The following QRICH2 variants were observed in gnomAD, a reference collection of about 807,000 sequenced individuals.
The protein encoded by QRICH2 is glutamine rich 2.
In QRICH2, 119 loss-of-function variants were observed where a neutral mutation model predicts 168.3. The observed-to-expected ratio is 0.71, with a 90% confidence interval of 0.61 to 0.82. QRICH2 has a LOEUF of 0.82. Ranked by LOEUF, QRICH2 falls within the 40% of genes least tolerant of loss-of-function variation. The pLI is 0.00. For missense variants in QRICH2, 2,241 were observed against 2,491.6 expected (o/e 0.90, Z 2.14); for synonymous variants, 894 against 951.2 (o/e 0.94, Z 1.11).
At position 76,274,145 on chromosome 17, in the gene QRICH2, C is replaced by T. The variant is rs770509797; in HGVS notation, c.5598G>A (p.Val1866=). The change falls in exon 19 of 19, where the codon GTG becomes GTA. Residue 1866 remains valine (V), a synonymous_variant. Coordinates refer to ENST00000680821, the MANE Select transcript of QRICH2 (RefSeq NM_001388453.1). Reference sequence around the variant, plus strand: ...CGAGCCCCTCCCCAGGAGGCATGTCCACGTGCCTCTCCAGCCCCCTGTTTG... The same window carrying T: ...CGAGCCCCTCCCCAGGAGGCATGTCTACGTGCCTCTCCAGCCCCCTGTTTG... ...AVANRGLERH[V]DMPPGEGLEE... 4 of 1,589,352 alleles carry T rather than the reference C, an allele frequency of 2.5e-6. No individual in the cohort carries two copies. Among genetic ancestry groups the T allele is most frequent in the South Asian group, 2.3e-5 (2 of 87,986 alleles).
At chr17:76,286,032 G>T (rs764831118) in intron 7 of QRICH2, among the ~76,000 whole-genome samples, 1 of 151,994 alleles carries the variant, frequency 6.6e-6, no homozygotes, top group Non-Finnish European at 1.5e-5. Flanking sequence ...AAAATTAGCC[G>T]GGCGTGGTGG....
At position 76,280,478 on chromosome 17, in the gene QRICH2, G is replaced by T; in HGVS notation, c.4462-27C>A. The T allele has an allele frequency of 6.2e-7, 1 of 1,609,868 alleles. No homozygotes were observed. The highest frequency in any genetic ancestry group is 8.5e-7 in the Non-Finnish European group (1 of 1,177,822). ...TGCCCAGAGACAGACAGAGGTCCCC[G>T]CATCTGGGAGATGGCCATGGAGGGG... is the stretch of plus-strand genomic sequence containing the variant. On this transcript the variant is annotated intron_variant, in intron 10 of 18. Transcript: ENST00000680821. The surrounding 1 kb of genome is among the most constrained non-coding windows in gnomAD (Gnocchi z 7.4).
chr17:76,296,457 T>G (rs2070794059), intron 3 of QRICH2, among the ~76,000 whole-genome samples: 1 of 151,650 alleles, frequency 6.6e-6, no homozygotes, highest in Non-Finnish European at 1.5e-5. Flanking sequence ...TTCAGGGAGA[T>G]TCAGGCAACT....
intron 5 of QRICH2, among the ~76,000 whole-genome samples, chr17:76,289,093 G>T (rs1488100053): frequency 7.0e-6 from 1 of 143,156 alleles, no homozygotes; most frequent in Non-Finnish European, 1.5e-5. Flanking sequence ...GACAGAGTGA[G>T]ACTGTGTCTC....
intron 17 of QRICH2, 39 bp from the exon 18 acceptor site, chr17:76,275,986 G>T: frequency 6.3e-7 from 1 of 1,595,052 alleles, no homozygotes; most frequent in Non-Finnish European, 8.5e-7. Flanking sequence ...TGCTGAGGCA[G>T]CGGTGAGAGC....
rs141192538 is a variant in QRICH2 at position 76,305,183 on chromosome 17, A to G, written c.535-242T>C. Among the ~76,000 whole-genome samples the G allele has an allele frequency of 2.7e-5, 3 of 110,832 alleles. No individual in the cohort carries two copies. The Admixed American group carries it at 2.9e-4, about 11-fold the overall frequency. 72.7% of individuals were successfully genotyped at this position (110,832 alleles called of 152,430 possible). A position where few individuals can be genotyped will look rare whatever the true frequency, so the allele number is the denominator to read the frequency against. ...TGGTTTCCTTTTTTTTTTTTTTTTG[A>G]GACAGGGTCTTGCTCTGTCACCCAA... On this transcript the variant is annotated intron_variant, in intron 1 of 18. Transcript: ENST00000680821.
chr17:76,277,562 AC>A (rs1052173367), intron 15 of QRICH2, among the ~76,000 whole-genome samples: 1 of 151,952 alleles, frequency 6.6e-6, no homozygotes, highest in African/African-American at 2.4e-5. Flanking sequence ...ACTCATACAC[AC>A]AGTCACACAC....
In QRICH2 at chr17:76,287,316, A is replaced by C. The variant is rs777977391; in HGVS notation, c.3897-10T>G. ...GTCAGCCACGGTGACTCTGTGGTGC[A>C]CGATGAGAGACTGCCAGACTCCACA... On this transcript the variant is annotated splice_polypyrimidine_tract_variant and intron_variant, in intron 6 of 18. Transcript: ENST00000680821. 1.3e-6 allele frequency: 2 copies of C among 1,591,886 alleles called. No homozygotes were observed. Among genetic ancestry groups the C allele is most frequent in the Admixed American group, 3.3e-5 (2 of 59,852 alleles).
intron 2 of QRICH2, 85 bp downstream of exon 2, chr17:76,304,797 G>A: frequency 9.9e-7 from 1 of 1,011,864 alleles, no homozygotes; most frequent in Non-Finnish European, 1.6e-6. Flanking sequence ...GCCTGCCCTG[G>A]ATGGACAAGC....
At position 76,282,402 on chromosome 17, in the gene QRICH2, C is replaced by T. The variant is rs374412462; in HGVS notation, c.4012-287G>A. ...GCCCACCAGCTCAGCATGAGAACAT[C>T]TCTTCTTTAGCTAAATCGTAAAGTG... is the stretch of plus-strand genomic sequence containing the variant. On this transcript the variant is annotated intron_variant, in intron 7 of 18. Coordinates refer to ENST00000680821, the MANE Select transcript of QRICH2 (RefSeq NM_001388453.1). 1.1e-3 allele frequency among the ~76,000 whole-genome samples: 172 copies of T among 152,334 alleles called. 1 individual carries two copies. Among genetic ancestry groups the T allele is most frequent in the African/African-American group, 3.8e-3 (157 of 41,576 alleles).
chr17:76,277,917 G>A, intron 15 of QRICH2, 72 bp downstream of exon 15: 1 of 1,522,958 alleles, frequency 6.6e-7, no homozygotes, highest in African/African-American at 1.4e-5. Flanking sequence ...CATTTGCACA[G>A]CCGTGCACGA....
intron 4 of QRICH2, 151 bp downstream of exon 4, chr17:76,290,864 G>T: frequency 7.9e-7 from 1 of 1,272,786 alleles, no homozygotes; most frequent in Non-Finnish European, 1.1e-6. Flanking sequence ...TTTGGACTCT[G>T]AAGGCTGTGG....
chr17:76,290,070 C>T lies in QRICH2; in HGVS notation c.3720G>A (p.Arg1240=). 3.7e-6 allele frequency: 6 copies of T among 1,611,334 alleles called. No individual in the cohort carries two copies. Among genetic ancestry groups the T allele is most frequent in the South Asian group, 1.1e-5 (1 of 90,930 alleles). ...GCTCCTGCAGTTCAGGAGGTATGGT[C>T]CTTTTGACTATGGAAAGCAGAAGCC... ...IQFLLAQMVK[R]TIPPELQEQL... is the part of the protein sequence containing the mutation. Residue 1240 remains arginine, a synonymous_variant, in exon 5 of 19, where the codon AGG becomes AGA. Coordinates refer to ENST00000680821, the MANE Select transcript of QRICH2 (RefSeq NM_001388453.1).
Position 76,291,952 on chromosome 17 carries a change from C to G in QRICH2, c.2775G>C (p.Gln925His), listed in dbSNP as rs113786994. ...GIGQQGMVQP[Q>H]ADPHGLVQPG... ...GTTGTACCAGGCCATGTGGATCTGCCTGAGGTTGCACCATACCTTGCTGAC... is the reference window on the plus strand; with the variant it reads ...GTTGTACCAGGCCATGTGGATCTGCGTGAGGTTGCACCATACCTTGCTGAC... The change falls in exon 4 of 19, where the codon CAG (glutamine) becomes CAC (histidine). Residue 925 changes from glutamine to histidine, a missense_variant. Around this residue, in one of 3 missense-constraint regions of QRICH2, gnomAD observed 2,047 missense variants for 2,303.8 expected, o/e 0.89. Transcript: ENST00000680821. 38 of 1,613,998 alleles carry G rather than the reference C, an allele frequency of 2.4e-5. 1 individual carries two copies. The highest frequency in any genetic ancestry group is 2.1e-4 in the African/African-American group (16 of 74,960).
intron 1 of QRICH2, among the ~76,000 whole-genome samples, chr17:76,306,056 G>C (rs1408835846): frequency 6.7e-6 from 1 of 149,540 alleles, no homozygotes; most frequent in Non-Finnish European, 1.5e-5. Flanking sequence ...TATAATCCTA[G>C]CTACTCGGGA....
rs1057268072 is a variant in QRICH2, at chr17:76,303,506, C to T, written c.705+909G>A. Among the ~76,000 whole-genome samples, 186 of 151,882 alleles carry T rather than the reference C, an allele frequency of 1.2e-3. 3 individuals are homozygous for T. Among genetic ancestry groups the T allele is most frequent in the Non-Finnish European group, 1.7e-3 (115 of 67,834 alleles). ...TGATTTTAATCAGATGAAAGTAGGT[C>T]GGGGATCGGAAAACAATTTGGTCAT... On this transcript the variant is annotated intron_variant, in intron 3 of 18. Coordinates refer to ENST00000680821, the MANE Select transcript of QRICH2 (RefSeq NM_001388453.1).
At position 76,308,128 on chromosome 17, in the gene QRICH2, G is replaced by GCGCCGGGCC. The variant is rs372577609; in HGVS notation, c.-131_-130insGGCCCGGCG. On this transcript the variant is annotated 5_prime_UTR_variant, in exon 1 of 19. Coordinates refer to ENST00000680821, the MANE Select transcript of QRICH2 (RefSeq NM_001388453.1). ...GGGCGCCCCTGCCCCGGGTCCGGCC[G>GCGCCGGGCC]AGTCACTGGACAGAGCTCCTGCCTC... 1 of 1,219,332 alleles carries GCGCCGGGCC rather than the reference G, an allele frequency of 8.2e-7. No individual in the cohort carries two copies. Among genetic ancestry groups the GCGCCGGGCC allele is most frequent in the African/African-American group, 1.6e-5 (1 of 63,668 alleles). The allele number at this position is 1,219,332 out of a possible 1,614,324, so 75.5% of individuals were successfully genotyped here.
rs988743037 is a variant in QRICH2, at chr17:76,274,225, C to T, written c.5518G>A (p.Glu1840Lys). ...GTGTTCGGCTGGGAGAGACGGCCCT[C>T]GGAGGAAGGTCTATCTTTCTGTTGA... ...SRQQKDRPSSEGRLSQPNTAH... is the reference protein window; with the variant it reads ...SRQQKDRPSSKGRLSQPNTAH... Residue 1840 changes from glutamate to lysine, a missense_variant, in exon 19 of 19, where the codon GAG becomes AAG. Around this residue, in one of 3 missense-constraint regions of QRICH2, gnomAD observed 189 missense variants for 169.3 expected, o/e 1.12. Coordinates refer to ENST00000680821, the MANE Select transcript of QRICH2 (RefSeq NM_001388453.1). 4.4e-6 allele frequency: 7 copies of T among 1,597,648 alleles called. No homozygotes were observed. The highest frequency in any genetic ancestry group is 5.1e-6 in the Non-Finnish European group (6 of 1,174,522).
Position 76,274,131 on chromosome 17 carries a change from C to T in QRICH2, c.5612G>A (p.Gly1871Glu). 1.3e-6 allele frequency: 2 copies of T among 1,590,772 alleles called. No individual in the cohort carries two copies. Among genetic ancestry groups the T allele is most frequent in the South Asian group, 1.1e-5 (1 of 88,556 alleles). Residue 1871 changes from glycine (G) to glutamate (E), a missense_variant, in exon 19 of 19, where the codon GGG (glycine) becomes GAG (glutamate). This residue lies in a region of QRICH2 where 189 missense variants were observed against 169.3 expected (regional missense o/e 1.12). Coordinates refer to ENST00000680821, the MANE Select transcript of QRICH2 (RefSeq NM_001388453.1). ...CCGCGTGGGCTCCTCGAGCCCCTCCCCAGGAGGCATGTCCACGTGCCTCTC... is the reference window on the plus strand; with the variant it reads ...CCGCGTGGGCTCCTCGAGCCCCTCCTCAGGAGGCATGTCCACGTGCCTCTC... ...GLERHVDMPP[G>E]EGLEEPTRGP...
Sources: allele counts gnomAD v4.1 joint callset (sites outside exome capture counted in the v4.1 genomes callset), GRCh38; gene constraint gnomAD v4.1.1; regional missense constraint gnomAD v4.1.1; non-coding constraint Gnocchi (gnomAD v3.1); transcripts MANE v1.5; gene names NCBI Gene and HGNC (gene_info 2026-07-23, HGNC 2026-07-21).